AGBL1: variants seen among roughly 807,000 people sequenced by gnomAD.
The protein encoded by AGBL1 is cytosolic carboxypeptidase 4.
Under a neutral mutation model 118.9 loss-of-function variants are expected in AGBL1, and 130 were observed. The observed-to-expected ratio is 1.09, with a 90% confidence interval of 0.95 to 1.26. The LOEUF is 1.26. AGBL1 is among the 50% of genes most tolerant of loss of function. The pLI, the probability that AGBL1 is intolerant of heterozygous loss-of-function variation, is 0.00. For missense variants in AGBL1, 1,584 were observed against 1,298.1 expected (o/e 1.22, Z -3.38); for synonymous variants, 555 against 478.9 (o/e 1.16, Z -2.08).
intron 21 of AGBL1, among the ~76,000 whole-genome samples, chr15:86,577,820 G>A (rs2084114249): frequency 9.0e-6 from 1 of 111,248 alleles, no homozygotes; most frequent in Admixed American, 1.0e-4. Context: ...GCCTGTGAGT[G>A]CACAGAAGTC....
At chr15:86,643,412 A>G (rs1320116462) in intron 21 of AGBL1, among the ~76,000 whole-genome samples, 1 of 152,122 alleles carries the variant, frequency 6.6e-6, no homozygotes, top group African/African-American at 2.4e-5. Context: ...AATCTCCTAT[A>G]TGCCCCTATA....
At chr15:86,805,629 G>A (rs1449404177) in intron 22 of AGBL1, among the ~76,000 whole-genome samples, 1 of 152,168 alleles carries the variant, frequency 6.6e-6, no homozygotes, top group Non-Finnish European at 1.5e-5. Context: ...ACTTAACATA[G>A]CCCCTTGGGG....
chr15:86,262,934 G>C, intron 10 of AGBL1, 40 bp downstream of exon 10: 13 of 1,479,946 alleles, frequency 8.8e-6, no homozygotes, highest in Non-Finnish European at 1.2e-5. Context: ...GACGATGCAT[G>C]ATGGGTTCTT....
At chr15:86,337,808 A>T (rs1049664004) in intron 17 of AGBL1, among the ~76,000 whole-genome samples, 4 of 152,248 alleles carry the variant, frequency 2.6e-5, no homozygotes, top group African/African-American at 4.8e-5. Context: ...ACCATGGCAC[A>T]TGTTTACCTG....
At chr15:86,094,945 C>T (rs1896261223) in intron 1 of AGBL1, among the ~76,000 whole-genome samples, 1 of 152,206 alleles carries the variant, frequency 6.6e-6, no homozygotes. Context: ...AGATGCCAAT[C>T]ACCTGAAACT....
chr15:86,351,477 C>T (rs187778701), intron 17 of AGBL1, among the ~76,000 whole-genome samples: 137 of 152,240 alleles, frequency 9.0e-4, no homozygotes, highest in African/African-American at 3.2e-3. Flanking sequence ...GAAAGCATGG[C>T]GTTCCTCTAC....
chr15:86,796,752 G>T (rs887034784), intron 22 of AGBL1, among the ~76,000 whole-genome samples: 7 of 152,164 alleles, frequency 4.6e-5, no homozygotes, highest in Admixed American at 1.3e-4. Context: ...AGCTGCTTTT[G>T]CTCTACAAGG....
chr15:86,747,102 C>T (rs2077769179), intron 22 of AGBL1, among the ~76,000 whole-genome samples: 1 of 152,010 alleles, frequency 6.6e-6, no homozygotes, highest in East Asian at 1.9e-4. Flanking sequence ...CCCCAGGACT[C>T]TAGAGGGATC....
At chr15:86,478,210 T>C (rs1368273438) in intron 18 of AGBL1, among the ~76,000 whole-genome samples, 1 of 152,052 alleles carries the variant, frequency 6.6e-6, no homozygotes, top group African/African-American at 2.4e-5. Flanking sequence ...CTACTGAACA[T>C]AGTGTTGGAA....
At chr15:86,646,389 C>G (rs1312677218) in intron 21 of AGBL1, among the ~76,000 whole-genome samples, 2 of 152,148 alleles carry the variant, frequency 1.3e-5, no homozygotes, top group Admixed American at 6.5e-5. Flanking sequence ...CAGTCCTTCT[C>G]GAACTTGAGA....
intron 17 of AGBL1, among the ~76,000 whole-genome samples, chr15:86,392,348 T>C (rs1215342616): frequency 6.6e-6 from 1 of 152,200 alleles, no homozygotes. Flanking sequence ...GTTTAAGTCA[T>C]TTACAGTTGT....
chr15:86,790,798 A>G (rs2078482526), intron 22 of AGBL1, among the ~76,000 whole-genome samples: 1 of 152,118 alleles, frequency 6.6e-6, no homozygotes, highest in South Asian at 2.1e-4. Flanking sequence ...GCATTTAGAA[A>G]ATGTATAACA....
At chr15:86,649,622 G>A (rs1452910176) in intron 21 of AGBL1, among the ~76,000 whole-genome samples, 1 of 151,386 alleles carries the variant, frequency 6.6e-6, no homozygotes, top group African/African-American at 2.4e-5. Flanking sequence ...TCCAAATTCT[G>A]CATAAGAAAA....
intron 22 of AGBL1, among the ~76,000 whole-genome samples, chr15:86,692,569 C>T (rs1407341109): frequency 1.3e-5 from 2 of 152,144 alleles, no homozygotes; most frequent in Non-Finnish European, 2.9e-5. Context: ...ATCTCTTTCA[C>T]TTGCTAACTT....
chr15:86,712,865 C>T (rs35211763), intron 22 of AGBL1, among the ~76,000 whole-genome samples: 9,493 of 152,208 alleles, frequency 0.062, 407 homozygotes, highest in Middle Eastern at 0.099. Flanking sequence ...GAACAGAAGC[C>T]TTAAGCACCC....
At chr15:86,083,080 A>C (rs1043704488) in intron 1 of AGBL1, among the ~76,000 whole-genome samples, 2 of 152,200 alleles carry the variant, frequency 1.3e-5, no homozygotes, top group South Asian at 4.1e-4. Flanking sequence ...TGTTTGAATG[A>C]CTGTGGTTTT....
intron 1 of AGBL1, among the ~76,000 whole-genome samples, chr15:86,099,027 C>T (rs1004025099): frequency 1.3e-5 from 2 of 152,056 alleles, no homozygotes; most frequent in Non-Finnish European, 2.9e-5. Context: ...GATGCTTCAC[C>T]TCCTTGAAGC....
At chr15:86,689,363 G>T (rs1227049982) in intron 22 of AGBL1, among the ~76,000 whole-genome samples, 1 of 152,030 alleles carries the variant, frequency 6.6e-6, no homozygotes, top group African/African-American at 2.4e-5. Flanking sequence ...AGTATTATCT[G>T]TCTCCTCCAG....
intron 16 of AGBL1, among the ~76,000 whole-genome samples, chr15:86,289,729 G>A (rs1220008755): frequency 6.6e-6 from 1 of 152,046 alleles, no homozygotes; most frequent in Non-Finnish European, 1.5e-5. Flanking sequence ...CTTTGGCTCT[G>A]ACTTCTTATC....
Sources: allele counts gnomAD v4.1 joint callset (sites outside exome capture counted in the v4.1 genomes callset), GRCh38; gene constraint gnomAD v4.1.1; transcripts MANE v1.5; gene names NCBI Gene and HGNC (gene_info 2026-07-23, HGNC 2026-07-21).